CDC123: variants seen among roughly 807,000 people sequenced by gnomAD.
The protein encoded by CDC123 is translation initiation factor eIF2 assembly protein.
Under a neutral mutation model 54.4 loss-of-function variants are expected in CDC123, and 37 were observed. The ratio of observed to expected loss-of-function variants is 0.68; its 90% confidence interval spans 0.52 to 0.89. The LOEUF (loss-of-function observed/expected upper bound fraction) is 0.89, where lower values mean the gene tolerates loss of function less well. Ranked by LOEUF, CDC123 falls within the 40% of genes least tolerant of loss-of-function variation. The pLI is 0.00. For synonymous variants in CDC123, 144 were observed against 136.8 expected (o/e 1.05, Z -0.37); for missense variants, 361 against 412.1 (o/e 0.88, Z 1.07).
At chr10:12,230,845 C>G in intron 6 of CDC123, 103 bp from the exon 7 acceptor site, 1 of 1,075,310 alleles carries the variant, frequency 9.3e-7, no homozygotes, top group Non-Finnish European at 1.4e-6. Flanking sequence ...TTTCTGGATG[C>G]TTTTAGTAAA....
At chr10:12,232,784 C>CT (rs1224349134) in intron 7 of CDC123, among the ~76,000 whole-genome samples, 54 of 115,676 alleles carry the variant, frequency 4.7e-4, no homozygotes, top group Non-Finnish European at 9.4e-4. Flanking sequence ...ATTTCCTTAC[C>CT]TTTCTTTTTT....
At chr10:12,238,583 A>G in intron 10 of CDC123, 98 bp downstream of exon 10, 2 of 1,445,242 alleles carry the variant, frequency 1.4e-6, no homozygotes, top group South Asian at 1.3e-5. Context: ...TCCATGCTCA[A>G]AAAATATTTT....
rs201353624 is a variant in CDC123 at position 12,196,240 on chromosome 10, T to A, written c.-6T>A. ...AGGGAAAGGCAGCAGCGGCGGCAGCTGGAGGATGAAGAAGGAGCATGTGCT... is the reference window on the plus strand; with the variant it reads ...AGGGAAAGGCAGCAGCGGCGGCAGCAGGAGGATGAAGAAGGAGCATGTGCT... On this transcript the variant is annotated 5_prime_UTR_variant, in exon 1 of 13. Coordinates refer to ENST00000281141, the MANE Select transcript of CDC123 (RefSeq NM_006023.3). 2.3e-5 allele frequency: 37 copies of A among 1,613,846 alleles called. No individual in the cohort carries two copies. The East Asian group carries it at 8.0e-4, about 35-fold the overall frequency.
Position 12,250,351 on chromosome 10 carries a change from A to G in CDC123, c.*14A>G, listed in dbSNP as rs1131465. On this transcript the variant is annotated 3_prime_UTR_variant, in exon 13 of 13. Transcript: ENST00000281141. ...GAGGACGACTGATGAGCGTACTGGA[A>G]CTGGAGAAGAGGAGGCCCCGCCCCA... is the stretch of plus-strand genomic sequence containing the variant. 32,264 of 1,595,662 alleles carry G rather than the reference A, an allele frequency of 0.02. 2,104 individuals carry two copies. Among genetic ancestry groups the G allele is most frequent in the Admixed American group, 0.15 (8,700 of 59,534 alleles).
chr10:12,238,107 C>T (rs1233794708), intron 9 of CDC123, among the ~76,000 whole-genome samples: 2 of 152,296 alleles, frequency 1.3e-5, no homozygotes, highest in East Asian at 3.9e-4. Context: ...TTGCATTCTA[C>T]CAGATCAGTG....
Position 12,249,629 on chromosome 10 carries a change from A to G in CDC123, c.895A>G (p.Ser299Gly). 1 of 1,614,172 alleles carries G rather than the reference A, an allele frequency of 6.2e-7. No homozygotes were observed. ...CTNSEVTVQP[S>G]PYLSYRLPKD... ...AAACAGTGAAGTGACAGTCCAGCCCAGCCCCTATTTGAGTTACCGGCTACC... is the reference window on the plus strand; with the variant it reads ...AAACAGTGAAGTGACAGTCCAGCCCGGCCCCTATTTGAGTTACCGGCTACC... The change falls in exon 12 of 13, where the codon AGC (serine) becomes GGC (glycine). Residue 299 changes from serine to glycine, a missense_variant. Ser to Gly is a moderately conservative substitution (Grantham distance 56). Transcript: ENST00000281141.
rs1564431631 is a variant in CDC123 at position 12,200,119 on chromosome 10, C to CCTTTTTTTTTTTTT, written c.146+1343_146+1344insCTTTTTTTTTTTTT. ...TATAGGCCTGAGCCACCGCACTCGGCATTTTTTTTTTTTTTTTTTTTTTTA... is the reference window on the plus strand; with the variant it reads ...TATAGGCCTGAGCCACCGCACTCGGCCTTTTTTTTTTTTTATTTTTTTTTTTTTTTTTTTTTTTA... On this transcript the variant is annotated intron_variant, in intron 2 of 12. Coordinates refer to ENST00000281141, the MANE Select transcript of CDC123 (RefSeq NM_006023.3). Among the ~76,000 whole-genome samples, 5 of 24,268 alleles carry CCTTTTTTTTTTTTT rather than the reference C, an allele frequency of 2.1e-4. 1 individual carries two copies. Among genetic ancestry groups the CCTTTTTTTTTTTTT allele is most frequent in the African/African-American group, 5.7e-4 (5 of 8,772 alleles). 15.9% of individuals were successfully genotyped at this position (24,268 alleles called of 152,430 possible). A position where few individuals can be genotyped will look rare whatever the true frequency, so the allele number is the denominator to read the frequency against.
chr10:12,226,770 G>A (rs1464459875), intron 6 of CDC123, among the ~76,000 whole-genome samples: 1 of 151,006 alleles, frequency 6.6e-6, no homozygotes, highest in Non-Finnish European at 1.5e-5. Flanking sequence ...TCACTTCCCA[G>A]ACTGGGCGGC....
chr10:12,235,911 A>G (rs1835971818), intron 8 of CDC123, among the ~76,000 whole-genome samples: 2 of 152,274 alleles, frequency 1.3e-5, no homozygotes, highest in South Asian at 4.1e-4. Context: ...CAGAGCAGAG[A>G]ACTTTTCCCT....
chr10:12,217,934 A>G (rs1017491125), intron 6 of CDC123, among the ~76,000 whole-genome samples: 3 of 151,950 alleles, frequency 2.0e-5, no homozygotes, highest in African/African-American at 7.3e-5. Flanking sequence ...CTAAAAATAC[A>G]AAAAATTAGC....
intron 10 of CDC123, among the ~76,000 whole-genome samples, chr10:12,240,952 C>T (rs377349955): frequency 8.5e-5 from 13 of 152,092 alleles, no homozygotes; most frequent in African/African-American, 3.1e-4. Flanking sequence ...TTCCTAGAAG[C>T]GGGATTGCTG....
intron 4 of CDC123, among the ~76,000 whole-genome samples, chr10:12,213,856 A>AG (rs1835632906): frequency 6.6e-6 from 1 of 152,188 alleles, no homozygotes; most frequent in Admixed American, 6.5e-5. Flanking sequence ...GCCTCCCTGC[A>AG]GTATGGGAGA....
intron 2 of CDC123, among the ~76,000 whole-genome samples, chr10:12,199,947 A>G (rs967876362): frequency 4.8e-5 from 7 of 146,560 alleles, no homozygotes; most frequent in African/African-American, 1.8e-4. Flanking sequence ...CTCAGCCTCC[A>G]AGTAGCTGGG....
intron 6 of CDC123, among the ~76,000 whole-genome samples, chr10:12,224,670 A>G (rs1244645902): frequency 6.6e-6 from 1 of 152,250 alleles, no homozygotes; most frequent in African/African-American, 2.4e-5. Context: ...CTGTAGTTGA[A>G]TACCACGTTC....
At chr10:12,236,624 G>A (rs965671001) in intron 8 of CDC123, among the ~76,000 whole-genome samples, 6 of 151,252 alleles carry the variant, frequency 4.0e-5, no homozygotes, top group African/African-American at 1.5e-4. Flanking sequence ...GCCAGGTGCG[G>A]TGGCTTACAC....
rs1162949012 is a variant in CDC123, at chr10:12,226,295, G to T, written c.441-4653G>T. On this transcript the variant is annotated intron_variant, in intron 6 of 12. Transcript: ENST00000281141. ...TTGGGTACACCTCCCAGACGGCGTG[G>T]CGGCTGGGCAGAGGCGCCCCCCACC... 8.5e-5 allele frequency among the ~76,000 whole-genome samples: 13 copies of T among 152,202 alleles called. 1 individual carries two copies.
intron 4 of CDC123, among the ~76,000 whole-genome samples, chr10:12,213,760 C>G (rs968650828): frequency 6.6e-6 from 1 of 152,090 alleles, no homozygotes; most frequent in African/African-American, 2.4e-5. Flanking sequence ...ATTGTTAGAA[C>G]TGGTTCAAAA....
intron 9 of CDC123, 21 bp downstream of exon 9, chr10:12,237,287 C>T: frequency 6.6e-7 from 1 of 1,519,256 alleles, no homozygotes; most frequent in Non-Finnish European, 8.8e-7. Context: ...TTTTATTGAT[C>T]CAGTAAAATG....
chr10:12,230,233 C>G (rs569271253), intron 6 of CDC123, among the ~76,000 whole-genome samples: 1 of 151,664 alleles, frequency 6.6e-6, no homozygotes, highest in East Asian at 1.9e-4. Flanking sequence ...CGCTCTGTCA[C>G]CCAGGCTGGA....
Sources: allele counts gnomAD v4.1 joint callset (sites outside exome capture counted in the v4.1 genomes callset), GRCh38; gene constraint gnomAD v4.1.1; transcripts MANE v1.5; gene names NCBI Gene and HGNC (gene_info 2026-07-23, HGNC 2026-07-21).